The following ELMO1 variants were observed in gnomAD, a reference collection of about 807,000 sequenced individuals.
ELMO1 encodes the protein engulfment and cell motility 1.
Under a neutral mutation model 98.9 loss-of-function variants are expected in ELMO1, and 26 were observed. The ratio of observed to expected loss-of-function variants is 0.26; its 90% CI spans 0.19 to 0.36. The LOEUF is 0.36. Ranked by LOEUF, ELMO1 falls within the 10% of genes least tolerant of loss-of-function variation. The pLI is 1.00. For missense variants in ELMO1, 627 were observed against 935.2 expected, an observed-to-expected ratio of 0.67 and a Z score of 4.30; for synonymous variants, 346 against 346.0, an observed-to-expected ratio of 1.00 and a Z score of 0.00.
intron 2 of ELMO1, among the ~76,000 whole-genome samples, chr7:37,336,455 T>C (rs1344105679): frequency 1.3e-5 from 2 of 152,132 alleles, no homozygotes; most frequent in African/African-American, 2.4e-5. Flanking sequence ...TGGGAACTGT[T>C]GTTATGTATG....
At chr7:37,219,973 C>T (rs1292638294) in intron 10 of ELMO1, among the ~76,000 whole-genome samples, 1 of 152,166 alleles carries the variant, frequency 6.6e-6, no homozygotes, top group African/African-American at 2.4e-5. Context: ...ACAATGCCAA[C>T]GTCAAATTCA....
intron 15 of ELMO1, among the ~76,000 whole-genome samples, chr7:37,016,563 C>T (rs181549679): frequency 3.9e-5 from 6 of 152,250 alleles, no homozygotes; most frequent in Admixed American, 2.0e-4. Flanking sequence ...TTAGGTCTCC[C>T]GTACTCCTCC....
In ELMO1 at chr7:36,874,108, C is replaced by T. The variant is rs139714106; in HGVS notation, c.1823-3633G>A. ...TCAGAGTGCCAGGGTTTGAATTCTACATCCACCAACCGCCTCTACTACTTT... is the reference window on the plus strand; with the variant it reads ...TCAGAGTGCCAGGGTTTGAATTCTATATCCACCAACCGCCTCTACTACTTT... On this transcript the variant is annotated intron_variant, in intron 19 of 21. Coordinates refer to ENST00000310758, the MANE Select transcript of ELMO1 (RefSeq NM_014800.11). Among the ~76,000 whole-genome samples the T allele has an allele frequency of 2.1e-3, 315 of 152,326 alleles. 2 individuals are homozygous for T. Among genetic ancestry groups the T allele is most frequent in the African/African-American group, 7.1e-3 (294 of 41,574 alleles).
At chr7:37,184,972 T>C (rs1791112065) in intron 13 of ELMO1, among the ~76,000 whole-genome samples, 1 of 152,224 alleles carries the variant, frequency 6.6e-6, no homozygotes, top group African/African-American at 2.4e-5. Flanking sequence ...ATTTGACTAA[T>C]CTTCATATCT....
At chr7:37,275,182 T>C (rs1054180867) in intron 4 of ELMO1, among the ~76,000 whole-genome samples, 1 of 152,176 alleles carries the variant, frequency 6.6e-6, no homozygotes, top group African/African-American at 2.4e-5. Context: ...TCGCTCAACA[T>C]ACATGACAGC....
chr7:36,973,858 G>T (rs988928695), intron 16 of ELMO1, among the ~76,000 whole-genome samples: 3 of 152,234 alleles, frequency 2.0e-5, no homozygotes, highest in African/African-American at 4.8e-5. Flanking sequence ...TGCCGTTGCC[G>T]AGCAATGAGG....
intron 16 of ELMO1, chr7:36,985,911 A>T: frequency 1.0e-6 from 1 of 1,002,626 alleles, no homozygotes; most frequent in Middle Eastern, 2.8e-4. Flanking sequence ...TGTGAGACGG[A>T]GGTTTACTCA....
intron 13 of ELMO1, among the ~76,000 whole-genome samples, chr7:37,173,915 A>C (rs1790344838): frequency 6.6e-6 from 1 of 152,204 alleles, no homozygotes; most frequent in Admixed American, 6.5e-5. Context: ...AAGAATTACT[A>C]ACTGAATCCA....
intron 1 of ELMO1, among the ~76,000 whole-genome samples, chr7:37,385,208 G>T (rs540126565): frequency 4.3e-4 from 66 of 152,338 alleles, no homozygotes; most frequent in African/African-American, 1.5e-3. Context: ...CCTAAGTCAG[G>T]TCATGTGGCT....
chr7:37,052,887 T>G (rs1796185570), intron 15 of ELMO1, among the ~76,000 whole-genome samples: 1 of 152,104 alleles, frequency 6.6e-6, no homozygotes, highest in South Asian at 2.1e-4. Flanking sequence ...CCAGGTCGTG[T>G]TTGTCTGAGG....
intron 15 of ELMO1, among the ~76,000 whole-genome samples, chr7:37,075,956 C>T (rs1041931230): frequency 1.3e-5 from 2 of 152,094 alleles, no homozygotes; most frequent in African/African-American, 4.8e-5. Flanking sequence ...GGTGAATTGC[C>T]TTATAATGGG....
intron 13 of ELMO1, among the ~76,000 whole-genome samples, chr7:37,175,497 C>T (rs1790450962): frequency 6.6e-6 from 1 of 152,184 alleles, no homozygotes; most frequent in Non-Finnish European, 1.5e-5. Flanking sequence ...CACCTTCCAA[C>T]AGGTTTCTTA....
intron 15 of ELMO1, among the ~76,000 whole-genome samples, chr7:37,066,928 T>C (rs1213884741): frequency 1.3e-5 from 2 of 152,188 alleles, no homozygotes; most frequent in Non-Finnish European, 2.9e-5. Context: ...ATTACCCAGC[T>C]AAGCAAAACT....
At chr7:36,960,373 C>A (rs932154937) in intron 16 of ELMO1, among the ~76,000 whole-genome samples, 7 of 152,214 alleles carry the variant, frequency 4.6e-5, no homozygotes, top group Non-Finnish European at 8.8e-5. Context: ...CCTCCAGGCA[C>A]AATGACCAAC....
chr7:37,231,308 CT>C (rs1285385440), intron 8 of ELMO1, among the ~76,000 whole-genome samples: 1 of 148,556 alleles, frequency 6.7e-6, no homozygotes, highest in East Asian at 2.0e-4. Context: ...AAGGCAACAT[CT>C]CCCCTAAGAT....
chr7:36,869,105 A>T (rs1803292071), intron 20 of ELMO1, among the ~76,000 whole-genome samples: 1 of 152,248 alleles, frequency 6.6e-6, no homozygotes, highest in African/African-American at 2.4e-5. Flanking sequence ...GTCTCCCCAT[A>T]GCATGGAGAA....
intron 16 of ELMO1, among the ~76,000 whole-genome samples, chr7:36,909,103 AGTT>A (rs1324348425): frequency 5.9e-5 from 9 of 152,368 alleles, no homozygotes; most frequent in Admixed American, 5.2e-4. Flanking sequence ...ATGGAGCTGA[AGTT>A]GACTTCAGAA....
chr7:37,090,350 T>C (rs1190078824), intron 15 of ELMO1, among the ~76,000 whole-genome samples: 1 of 152,168 alleles, frequency 6.6e-6, no homozygotes, highest in Admixed American at 6.5e-5. Flanking sequence ...ACCCAGAAAA[T>C]ATAATCTAAT....
At chr7:37,240,424 CTCTTT>C (rs1290985692) in intron 7 of ELMO1, among the ~76,000 whole-genome samples, 2 of 152,028 alleles carry the variant, frequency 1.3e-5, no homozygotes, top group Non-Finnish European at 2.9e-5. Flanking sequence ...ATTTGGATTT[CTCTTT>C]TCTTTTTTTT....
Sources: gnomAD v4.1 joint callset for allele counts (sites outside exome capture counted in the v4.1 genomes callset) on GRCh38, gnomAD v4.1.1 for gene constraint, MANE v1.5 for transcripts, NCBI Gene and HGNC (gene_info 2026-07-23, HGNC 2026-07-21) for gene names.